TTLL11: variants seen among roughly 807,000 people sequenced by gnomAD.
TTLL11 encodes the protein tubulin polyglutamylase TTLL11.
TTLL11 carries 42 observed loss-of-function variants against 51.7 expected under a neutral mutation model. That is an observed-to-expected ratio of 0.81 (90% CI 0.64 to 1.05). The LOEUF (loss-of-function observed/expected upper bound fraction) is 1.05. TTLL11 is among the 50% of genes least tolerant of loss of function. The pLI is 0.00. For synonymous variants in TTLL11, 381 were observed against 383.5 expected (o/e 0.99, Z 0.08); for missense variants, 799 against 940.4 (o/e 0.85, Z 1.97).
At chr9:121,932,645 C>G (rs540217893) in intron 6 of TTLL11, among the ~76,000 whole-genome samples, 1 of 152,296 alleles carries the variant, frequency 6.6e-6, no homozygotes, top group East Asian at 1.9e-4. Context: ...AAAATCTTGT[C>G]AAACCTTTCA....
intron 6 of TTLL11, among the ~76,000 whole-genome samples, chr9:121,900,247 G>A (rs1015514966): frequency 6.6e-6 from 1 of 152,196 alleles, no homozygotes; most frequent in Non-Finnish European, 1.5e-5. Context: ...TGAAAGACAG[G>A]TTCATAGAGT....
rs574928135 is a variant in TTLL11, at chr9:121,883,367, A to G, written c.1482-12619T>C. Among the ~76,000 whole-genome samples, 53 of 152,328 alleles carry G rather than the reference A, an allele frequency of 3.5e-4. 1 individual carries two copies. In the South Asian group the frequency reaches 6.4e-3, roughly 18 times the overall value. ...CTGGTTGGAACATCGTAAGTACCAA[A>G]GAAATGGTAGCTGTTATATGACTCC... On this transcript the variant is annotated intron_variant, in intron 6 of 8. Coordinates refer to ENST00000321582, the MANE Select transcript of TTLL11 (RefSeq NM_001139442.2).
intron 6 of TTLL11, among the ~76,000 whole-genome samples, chr9:121,931,001 G>A (rs558715086): frequency 6.6e-6 from 1 of 152,354 alleles, no homozygotes; most frequent in South Asian, 2.1e-4. Flanking sequence ...CAAGCAGGAA[G>A]CACAGCCAGT....
At chr9:121,926,428 A>C (rs982738310) in intron 6 of TTLL11, among the ~76,000 whole-genome samples, 10 of 152,260 alleles carry the variant, frequency 6.6e-5, no homozygotes, top group Non-Finnish European at 1.5e-4. Context: ...AGGCTTGCTA[A>C]GGAGTCATTC....
intron 6 of TTLL11, among the ~76,000 whole-genome samples, chr9:121,935,023 C>T (rs1045911616): frequency 2.0e-5 from 3 of 152,070 alleles, no homozygotes; most frequent in Non-Finnish European, 2.9e-5. Context: ...GGCGCAATCT[C>T]GGCTCACTGC....
chr9:122,000,471 C>CAAAAAA (rs57775265), intron 3 of TTLL11, among the ~76,000 whole-genome samples: 3 of 22,814 alleles, frequency 1.3e-4, no homozygotes, highest in African/African-American at 2.5e-4. Flanking sequence ...GACTCCGTCG[C>CAAAAAA]AAAAAAAAAA....
chr9:121,934,791 G>A (rs1841135305), intron 6 of TTLL11, among the ~76,000 whole-genome samples: 1 of 152,160 alleles, frequency 6.6e-6, no homozygotes, highest in Admixed American at 6.5e-5. Context: ...ATATTAAAAA[G>A]AAGCGTGTTC....
At chr9:122,080,462 T>TCCAA (rs1845974614) in intron 1 of TTLL11, among the ~76,000 whole-genome samples, 1 of 152,004 alleles carries the variant, frequency 6.6e-6, no homozygotes, top group Non-Finnish European at 1.5e-5. Context: ...AGCCAGAGGA[T>TCCAA]CGTTGAGGCC....
At chr9:121,986,635 C>A (rs1842949352) in intron 4 of TTLL11, among the ~76,000 whole-genome samples, 1 of 152,154 alleles carries the variant, frequency 6.6e-6, no homozygotes, top group African/African-American at 2.4e-5. Flanking sequence ...ATTACCCCTT[C>A]CTGGTACTGA....
At chr9:121,904,209 GC>G (rs1839859066) in intron 6 of TTLL11, among the ~76,000 whole-genome samples, 1 of 147,254 alleles carries the variant, frequency 6.8e-6, no homozygotes, top group Non-Finnish European at 1.5e-5. Flanking sequence ...ACGGAGTCTC[GC>G]TCTATCGCCA....
chr9:121,902,408 T>C (rs1017918020), intron 6 of TTLL11, among the ~76,000 whole-genome samples: 4 of 152,222 alleles, frequency 2.6e-5, no homozygotes, highest in Non-Finnish European at 5.9e-5. Context: ...CTTTTTCCAT[T>C]GTTCTGTGCG....
At chr9:122,012,699 C>T (rs1279398566) in intron 3 of TTLL11, among the ~76,000 whole-genome samples, 1 of 151,942 alleles carries the variant, frequency 6.6e-6, no homozygotes, top group East Asian at 1.9e-4. Context: ...CACACACACA[C>T]ACACCAAGTT....
At chr9:121,986,313 G>C (rs1483831886) in intron 4 of TTLL11, among the ~76,000 whole-genome samples, 1 of 152,166 alleles carries the variant, frequency 6.6e-6, no homozygotes, top group Non-Finnish European at 1.5e-5. Context: ...CTCGGTCCAA[G>C]CCAGGGCTCT....
chr9:122,090,547 C>T (rs566580701), intron 1 of TTLL11, among the ~76,000 whole-genome samples: 6 of 152,206 alleles, frequency 3.9e-5, no homozygotes, highest in Non-Finnish European at 5.9e-5. Flanking sequence ...CAACTCAGCT[C>T]GGGTTTATTT....
chr9:121,933,019 T>G (rs1446840605), intron 6 of TTLL11, among the ~76,000 whole-genome samples: 1 of 152,228 alleles, frequency 6.6e-6, no homozygotes, highest in Admixed American at 6.5e-5. Flanking sequence ...AAAAGATTGA[T>G]CAACTGGCTC....
chr9:121,964,813 A>C (rs1243511280), intron 6 of TTLL11, among the ~76,000 whole-genome samples: 1 of 152,118 alleles, frequency 6.6e-6, no homozygotes, highest in Non-Finnish European at 1.5e-5. Flanking sequence ...TTTAAACCTC[A>C]GGTCAAGTGC....
chr9:121,897,640 A>ACACACACACACACACACACG lies in TTLL11; in HGVS notation c.1482-26893_1482-26892insCGTGTGTGTGTGTGTGTGTG, dbSNP rs111331446. Among the ~76,000 whole-genome samples, 1,224 of 139,328 alleles carry ACACACACACACACACACACG rather than the reference A, an allele frequency of 8.8e-3. 16 individuals are homozygous for ACACACACACACACACACACG. Among genetic ancestry groups the ACACACACACACACACACACG allele is most frequent in the Middle Eastern group, 0.023 (6 of 264 alleles). 91.4% of individuals were successfully genotyped at this position (139,328 alleles called of 152,430 possible). ...CAGGCACACACACACACACACACAC[A>ACACACACACACACACACACG]CGCGCGCGCGAAGTCTCCAACTGCC... On this transcript the variant is annotated intron_variant, in intron 6 of 8. Transcript: ENST00000321582.
chr9:121,826,493 ATGTGTG>A (rs777460665), intron 8 of TTLL11, among the ~76,000 whole-genome samples: 2 of 84,286 alleles, frequency 2.4e-5, no homozygotes, highest in Non-Finnish European at 4.3e-5. Flanking sequence ...ATATATATAT[ATGTGTG>A]TGTATATATA....
At chr9:122,067,382 T>C (rs1845613815) in intron 1 of TTLL11, among the ~76,000 whole-genome samples, 1 of 152,198 alleles carries the variant, frequency 6.6e-6, no homozygotes, top group Non-Finnish European at 1.5e-5. Flanking sequence ...GGAAAGCTGG[T>C]AGACAACTTA....
Sources: allele counts gnomAD v4.1 joint callset (sites outside exome capture counted in the v4.1 genomes callset), GRCh38; gene constraint gnomAD v4.1.1; transcripts MANE v1.5; gene names NCBI Gene and HGNC (gene_info 2026-07-23, HGNC 2026-07-21).